TRIM42: variants seen among roughly 807,000 people sequenced by gnomAD.
The protein encoded by TRIM42 is tripartite motif containing 42.
Under a neutral mutation model 64.9 loss-of-function variants are expected in TRIM42, and 59 were observed. The ratio of observed to expected loss-of-function variants is 0.91; its 90% CI spans 0.74 to 1.13. The LOEUF is 1.13. Ranked by LOEUF, TRIM42 falls within the 50% of genes most tolerant of loss-of-function variation. TRIM42 has a pLI of 0.00. For missense variants in TRIM42, 878 were observed against 929.5 expected (o/e 0.94, Z 0.72); for synonymous variants, 354 against 346.3 (o/e 1.02, Z -0.25).
rs201360517 is a variant in TRIM42 at position 140,678,513 on chromosome 3, G to A, written c.284G>A (p.Cys95Tyr). The change falls in exon 1 of 5, where the codon TGC (cysteine) becomes TAC (tyrosine). Residue 95 changes from cysteine (C) to tyrosine (Y), a missense_variant. Coordinates refer to ENST00000286349, the MANE Select transcript of TRIM42 (RefSeq NM_152616.5). Reference protein sequence around the residue: ...NLNCYYYESRCCRNTIITFHK... With the variant: ...NLNCYYYESRYCRNTIITFHK... ...AACTGCTACTACTATGAGAGCCGCT[G>A]CTGCCGCAATACCATCATCACTTTC... is the stretch of plus-strand genomic sequence containing the variant. 1.2e-6 allele frequency: 2 copies of A among 1,614,122 alleles called. No homozygotes were observed. The highest frequency in any genetic ancestry group is 1.7e-5 in the Admixed American group (1 of 60,020).
At chr3:140,686,720 T>C (rs1988554019) in intron 2 of TRIM42, among the ~76,000 whole-genome samples, 2 of 152,178 alleles carry the variant, frequency 1.3e-5, no homozygotes, top group South Asian at 4.1e-4. Context: ...ATCAATTCAC[T>C]GAAGAGTTTA....
intron 3 of TRIM42, among the ~76,000 whole-genome samples, chr3:140,688,866 C>T: frequency 6.6e-6 from 1 of 152,258 alleles, no homozygotes; most frequent in East Asian, 1.9e-4. Flanking sequence ...GAAGACACTA[C>T]TTGGCAGTGT....
At chr3:140,679,408 A>G (rs917036280) in intron 1 of TRIM42, among the ~76,000 whole-genome samples, 21 of 152,188 alleles carry the variant, frequency 1.4e-4, no homozygotes, top group African/African-American at 4.3e-4. Flanking sequence ...TAGTAAGAGC[A>G]CACTTCTTAG....
At chr3:140,697,268 TC>T (rs1988875970) in intron 4 of TRIM42, among the ~76,000 whole-genome samples, 2 of 152,214 alleles carry the variant, frequency 1.3e-5, no homozygotes, top group African/African-American at 2.4e-5. Context: ...ATTGGTATTA[TC>T]TTCTCTTCTG....
chr3:140,695,862 C>A (rs147317567), intron 4 of TRIM42, among the ~76,000 whole-genome samples: 2 of 152,290 alleles, frequency 1.3e-5, no homozygotes, highest in Non-Finnish European at 2.9e-5. Flanking sequence ...CCACAGCCAC[C>A]CACACACTCA....
intron 4 of TRIM42, among the ~76,000 whole-genome samples, chr3:140,694,860 C>T (rs1988809693): frequency 6.6e-6 from 1 of 152,152 alleles, no homozygotes; most frequent in South Asian, 2.1e-4. Flanking sequence ...ACTAGCATCT[C>T]TCTGGTTCTG....
chr3:140,688,161 G>T lies in TRIM42; in HGVS notation c.1479G>T (p.Gly493=). The part of the protein sequence containing the change: ...SSAIHELFPT[G]PKKVRSSGDS... ...CCATCCATGAGCTCTTCCCCACAGGGCCCAAGAAGGTACGCTCCTCAGGGG... is the reference window on the plus strand; with the variant it reads ...CCATCCATGAGCTCTTCCCCACAGGTCCCAAGAAGGTACGCTCCTCAGGGG... The change falls in exon 3 of 5, where the codon GGG becomes GGT. Residue 493 remains glycine (G), a synonymous_variant. Coordinates refer to ENST00000286349, the MANE Select transcript of TRIM42 (RefSeq NM_152616.5). 1 of 1,614,112 alleles carries T rather than the reference G, an allele frequency of 6.2e-7. No individual in the cohort carries two copies. The highest frequency in any genetic ancestry group is 1.1e-5 in the South Asian group (1 of 91,074).
At chr3:140,686,284 G>T (rs1988543131) in intron 2 of TRIM42, among the ~76,000 whole-genome samples, 1 of 152,174 alleles carries the variant, frequency 6.6e-6, no homozygotes, top group Non-Finnish European at 1.5e-5. Context: ...AAGGCAAGAA[G>T]CACTTCTCAG....
rs191311283 is a variant in TRIM42 at position 140,688,200 on chromosome 3, C to T, written c.1518C>T (p.Ser506=). The T allele has an allele frequency of 5.6e-6, 9 of 1,614,198 alleles. No individual in the cohort carries two copies. The East Asian group carries it at 1.8e-4, about 32-fold the overall frequency. The change falls in exon 3 of 5, where the codon TCC becomes TCT. Residue 506 remains serine (S), a synonymous_variant. Transcript: ENST00000286349. ...KVRSSGDSLP[S]PYPVHSETMI... ...GCTCCTCAGGGGACTCCCTGCCCTC[C>T]CCCTACCCCGTGCACTCAGAAACAA...
At position 140,695,607 on chromosome 3, in the gene TRIM42, C is replaced by T. The variant is rs943649659; in HGVS notation, c.2085+4415C>T. Among the ~76,000 whole-genome samples, 5 of 152,186 alleles carry T rather than the reference C, an allele frequency of 3.3e-5. No homozygotes were observed. The South Asian group carries it at 8.3e-4, about 25-fold the overall frequency. On this transcript the variant is annotated intron_variant, in intron 4 of 4. Transcript: ENST00000286349. The stretch of plus-strand genomic sequence containing the variant: ...TCCTGCCAGCTGCCCTGAGTCTCTG[C>T]AGTGCTGCTGTCTTCCTATTCGGCC...
chr3:140,687,628 C>A (rs1988579388), intron 2 of TRIM42, 94 bp from the exon 3 acceptor site: 2 of 928,308 alleles, frequency 2.2e-6, no homozygotes, highest in South Asian at 3.5e-5. Context: ...CATTCACCTC[C>A]TTGGAGCCTA....
chr3:140,682,059 G>C (rs1277407155), intron 1 of TRIM42, among the ~76,000 whole-genome samples: 1 of 152,054 alleles, frequency 6.6e-6, no homozygotes, highest in African/African-American at 2.4e-5. Context: ...TGATATTACC[G>C]ATGTTCAACC....
intron 1 of TRIM42, among the ~76,000 whole-genome samples, chr3:140,679,278 A>G (rs944285057): frequency 1.3e-5 from 2 of 152,182 alleles, no homozygotes; most frequent in African/African-American, 4.8e-5. Flanking sequence ...TCCAGAAGTC[A>G]TAGTACTTAG....
chr3:140,694,988 T>C (rs1988812912), intron 4 of TRIM42, among the ~76,000 whole-genome samples: 1 of 152,172 alleles, frequency 6.6e-6, no homozygotes, highest in African/African-American at 2.4e-5. Context: ...CTCACACCTG[T>C]AATCCCACCA....
At position 140,701,074 on chromosome 3, in the gene TRIM42, G is replaced by T; in HGVS notation, c.*100G>T. 9.6e-7 allele frequency: 1 copy of T among 1,045,800 alleles called. No homozygotes were observed. The highest frequency in any genetic ancestry group is 1.4e-6 in the Non-Finnish European group (1 of 735,928). 64.8% of individuals were successfully genotyped at this position (1,045,800 alleles called of 1,614,324 possible). A position where few individuals can be genotyped will look rare whatever the true frequency, so the allele number is the denominator to read the frequency against. Reference sequence around the variant, plus strand: ...TTTTCTCACCACATTCTTCAAGGAGGTTGTAGACAAATGTTTCCATGACCT... The same window carrying T: ...TTTTCTCACCACATTCTTCAAGGAGTTTGTAGACAAATGTTTCCATGACCT... On this transcript the variant is annotated 3_prime_UTR_variant, in exon 5 of 5. Coordinates refer to ENST00000286349, the MANE Select transcript of TRIM42 (RefSeq NM_152616.5).
intron 3 of TRIM42, among the ~76,000 whole-genome samples, chr3:140,690,679 T>C (rs1988685591): frequency 6.6e-6 from 1 of 151,182 alleles, no homozygotes; most frequent in African/African-American, 2.4e-5. Context: ...TTTCTTCCCC[T>C]CTATTTTTCG....
chr3:140,689,526 T>C (rs1039766797), intron 3 of TRIM42, among the ~76,000 whole-genome samples: 1 of 152,156 alleles, frequency 6.6e-6, no homozygotes, highest in East Asian at 1.9e-4. Context: ...TCTCACAAAC[T>C]TCCAGGTACT....
intron 4 of TRIM42, among the ~76,000 whole-genome samples, chr3:140,692,421 C>G (rs1377341741): frequency 6.6e-6 from 1 of 151,878 alleles, no homozygotes; most frequent in African/African-American, 2.4e-5. Flanking sequence ...GGTCAGTATA[C>G]CAATAGCAAA....
chr3:140,693,892 G>A (rs1988784799), intron 4 of TRIM42, among the ~76,000 whole-genome samples: 1 of 152,180 alleles, frequency 6.6e-6, no homozygotes, highest in Non-Finnish European at 1.5e-5. Context: ...GTCAGATGGG[G>A]TATATTCATT....
Sources: gnomAD v4.1 joint callset for allele counts (sites outside exome capture counted in the v4.1 genomes callset) on GRCh38, gnomAD v4.1.1 for gene constraint, MANE v1.5 for transcripts, NCBI Gene and HGNC (gene_info 2026-07-23, HGNC 2026-07-21) for gene names.